Variants in RBL2 observed in about 807,000 individuals in gnomAD.
RBL2 encodes retinoblastoma-like protein 2.
A neutral mutation model predicts 126.0 loss-of-function variants in RBL2; 56 were observed. The ratio of observed to expected loss-of-function variants is 0.44; its 90% CI spans 0.36 to 0.56. The LOEUF (loss-of-function observed/expected upper bound fraction) is 0.56, where lower values mean the gene tolerates loss of function less well. RBL2 is among the 20% of genes least tolerant of loss of function. RBL2 has a pLI of 0.00. For missense variants in RBL2, 1,229 were observed against 1,398.2 expected (o/e 0.88, Z 1.93); for synonymous variants, 454 against 478.5 (o/e 0.95, Z 0.67).
rs202132605 is a variant in RBL2 at position 53,453,501 on chromosome 16, C to T, written c.816C>T (p.Pro272=). ...HAKDSKPSSD[P]PCIIEKLCSL... ...AAGATTCTAAACCTTCCTCTGACCC[C>T]CCTTGTATCATTGAGAAACTGTGTT... Residue 272 remains proline (P), a synonymous_variant, in exon 6 of 22, where the codon CCC becomes CCT. Coordinates refer to ENST00000262133, the MANE Select transcript of RBL2 (RefSeq NM_005611.4). 5 of 1,613,286 alleles carry T rather than the reference C, an allele frequency of 3.1e-6. No individual in the cohort carries two copies. The highest frequency in any genetic ancestry group is 4.5e-5 in the East Asian group (2 of 44,794).
intron 20 of RBL2, chr16:53,481,181 T>C (rs8044205): frequency 0.29 from 51,030 of 173,342 alleles, 8,034 homozygotes; most frequent in Middle Eastern, 0.37. Context: ...GTTTTACAAA[T>C]AATTCTATTA....
intron 1 of RBL2, 141 bp downstream of exon 1, chr16:53,434,937 T>C: frequency 7.8e-7 from 1 of 1,289,064 alleles, no homozygotes; most frequent in South Asian, 1.8e-5. Context: ...CTCTGCGCTA[T>C]TCCGAGGCTC....
chr16:53,470,749 T>C lies in RBL2; in HGVS notation c.2530T>C (p.Tyr844His). Reference protein sequence around the residue: ...SSLSLFFRKVYHLAAVRLRDL... With the variant: ...SSLSLFFRKVHHLAAVRLRDL... The stretch of plus-strand genomic sequence containing the variant: ...TTGAAATGTTTTTATCTCCTAGGTA[T>C]ACCATTTAGCAGCTGTCCGCCTTCG... The change falls in exon 17 of 22, where the codon TAC (tyrosine) becomes CAC (histidine). Residue 844 changes from tyrosine (Y) to histidine (H), a missense_variant. Tyr to His is a moderately conservative substitution (Grantham distance 83, BLOSUM62 2). Coordinates refer to ENST00000262133, the MANE Select transcript of RBL2 (RefSeq NM_005611.4). 6.2e-7 allele frequency: 1 copy of C among 1,614,026 alleles called. No individual in the cohort carries two copies. The highest frequency in any genetic ancestry group is 8.5e-7 in the Non-Finnish European group (1 of 1,179,954).
At chr16:53,437,038 T>G (rs1226137019) in intron 1 of RBL2, among the ~76,000 whole-genome samples, 1 of 151,392 alleles carries the variant, frequency 6.6e-6, no homozygotes, top group African/African-American at 2.5e-5. Flanking sequence ...AGTTGTAAAC[T>G]TTCTATTTTT....
At chr16:53,444,693 C>A (rs1227267986) in intron 3 of RBL2, among the ~76,000 whole-genome samples, 1 of 151,442 alleles carries the variant, frequency 6.6e-6, no homozygotes, top group African/African-American at 2.4e-5. Context: ...ACTAAAAATA[C>A]AAAAATTAGG....
At position 53,459,353 on chromosome 16, in the gene RBL2, TG is replaced by T. The variant is rs1221379389; in HGVS notation, c.1180-97del. ...TTGTAAAGATAAAGTCTTACTGGCT[TG>T]AAGTCCCATTTGTGAAGTGAATTAA... On this transcript the variant is annotated intron_variant, in intron 8 of 21. Coordinates refer to ENST00000262133, the MANE Select transcript of RBL2 (RefSeq NM_005611.4). 5 of 941,374 alleles carry T rather than the reference TG, an allele frequency of 5.3e-6. No individual in the cohort carries two copies. In the African/African-American group the frequency reaches 8.3e-5, roughly 16 times the overall value. The allele number at this position is 941,374 out of a possible 1,614,324, so 58.3% of individuals were successfully genotyped here.
chr16:53,480,878 GC>G, intron 20 of RBL2, 109 bp downstream of exon 20: 2 of 1,138,658 alleles, frequency 1.8e-6, no homozygotes, highest in Non-Finnish European at 2.5e-6. Flanking sequence ...ACTAGTTTTG[GC>G]CAGGTGTGGT....
At chr16:53,473,373 T>A (rs1598121143) in intron 17 of RBL2, among the ~76,000 whole-genome samples, 1 of 152,040 alleles carries the variant, frequency 6.6e-6, no homozygotes, top group African/African-American at 2.4e-5. Context: ...CAACAATGCT[T>A]TGTACTTTTC....
At chr16:53,472,544 A>G (rs942722575) in intron 17 of RBL2, among the ~76,000 whole-genome samples, 1 of 152,178 alleles carries the variant, frequency 6.6e-6, no homozygotes, top group Admixed American at 6.5e-5. Flanking sequence ...GGCCATTTGC[A>G]TATCTTATTT....
intron 13 of RBL2, 181 bp downstream of exon 13, chr16:53,465,783 C>T (rs181010935): frequency 2.2e-6 from 1 of 444,716 alleles, no homozygotes; most frequent in African/African-American, 2.0e-5. Context: ...GCCAAGAGAC[C>T]AAAGAATGAC....
chr16:53,440,115 G>A (rs1171197881), intron 2 of RBL2, among the ~76,000 whole-genome samples: 3 of 152,010 alleles, frequency 2.0e-5, no homozygotes, highest in African/African-American at 4.8e-5. Context: ...GGCCAATATG[G>A]TGAAACCCCG....
In RBL2 at chr16:53,453,436, A is replaced by T. The variant is rs1163576971; in HGVS notation, c.767-16A>T. 1 of 1,596,832 alleles carries T rather than the reference A, an allele frequency of 6.3e-7. No individual in the cohort carries two copies. Among genetic ancestry groups the T allele is most frequent in the Non-Finnish European group, 8.6e-7 (1 of 1,169,154 alleles). On this transcript the variant is annotated splice_polypyrimidine_tract_variant and intron_variant, in intron 5 of 21. Coordinates refer to ENST00000262133, the MANE Select transcript of RBL2 (RefSeq NM_005611.4). The stretch of plus-strand genomic sequence containing the variant: ...TGTGTGCTGATATCTCTGTTTTGTG[A>T]TTCTATACACCATAGGCTTATCTGA...
In RBL2 at chr16:53,464,206, C is replaced by T. The variant is rs2058250079; in HGVS notation, c.1561-20C>T. The stretch of plus-strand genomic sequence containing the variant: ...TTAGACTAAGTAAATGTTTCTAATG[C>T]TAATAACTTTATTTTATAGGGTATT... On this transcript the variant is annotated intron_variant, in intron 11 of 21. Transcript: ENST00000262133. 6.6e-7 allele frequency: 1 copy of T among 1,519,428 alleles called. No homozygotes were observed. Among genetic ancestry groups the T allele is most frequent in the Admixed American group, 2.2e-5 (1 of 45,680 alleles). The allele number at this position is 1,519,428 out of a possible 1,614,324, so 94.1% of individuals were successfully genotyped here.
chr16:53,447,587 A>G (rs555566197), intron 4 of RBL2, among the ~76,000 whole-genome samples: 92 of 151,946 alleles, frequency 6.1e-4, no homozygotes, highest in Non-Finnish European at 8.5e-4. Context: ...TAACCTACCC[A>G]AGGTCTGCAT....
rs1567741221 is a variant in RBL2, at chr16:53,470,676, A to G, written c.2526+13A>G. 6.2e-7 allele frequency: 1 copy of G among 1,613,294 alleles called. No homozygotes were observed. Among genetic ancestry groups the G allele is most frequent in the African/African-American group, 1.3e-5 (1 of 74,878 alleles). On this transcript the variant is annotated intron_variant, in intron 16 of 21. Transcript: ENST00000262133. ...TTTCTTTAGAAAGGTAATTTTTCAC[A>G]TACCTTATCAGAGCATGAGCTTGGG...
intron 14 of RBL2, among the ~76,000 whole-genome samples, chr16:53,468,288 C>T (rs1488897477): frequency 6.6e-6 from 1 of 152,100 alleles, no homozygotes; most frequent in African/African-American, 2.4e-5. Context: ...CCTGTAATCC[C>T]AGCACTGTGG....
chr16:53,459,383 CT>C, intron 8 of RBL2, 67 bp from the exon 9 acceptor site: 7 of 1,339,638 alleles, frequency 5.2e-6, no homozygotes, highest in Non-Finnish European at 7.2e-6. Flanking sequence ...GAATTAAAGT[CT>C]TTCTGGCCTA....
At chr16:53,447,146 A>G (rs778992748) in intron 4 of RBL2, 40 bp downstream of exon 4, 16 of 1,103,978 alleles carry the variant, frequency 1.4e-5, no homozygotes, top group Admixed American at 1.4e-4. Flanking sequence ...TAATATGTCT[A>G]TTTACATTTT....
At chr16:53,488,597 A>T (rs1316586836) in intron 21 of RBL2, 2 of 152,212 alleles carry the variant, frequency 1.3e-5, no homozygotes, top group Non-Finnish European at 2.9e-5. Flanking sequence ...ACAAAGCAAG[A>T]AGTAGCTTAT....
Sources: gnomAD v4.1 joint callset for allele counts (sites outside exome capture counted in the v4.1 genomes callset) on GRCh38, gnomAD v4.1.1 for gene constraint, MANE v1.5 for transcripts, NCBI Gene and HGNC (gene_info 2026-07-23, HGNC 2026-07-21) for gene names.